RARB: variants seen among roughly 807,000 people sequenced by gnomAD.
RARB encodes the protein retinoic acid receptor beta, also known as HBV-activated protein.
Under a neutral mutation model 51.9 loss-of-function variants are expected in RARB, and 17 were observed. That is an observed-to-expected ratio of 0.33 (90% CI 0.22 to 0.49). RARB has a LOEUF of 0.49. Among genes scored for constraint, RARB ranks in the 20% least tolerant of loss-of-function variants. The pLI, the probability that RARB is intolerant of heterozygous loss-of-function variation, is 0.99. For missense variants in RARB, 369 were observed against 550.8 expected (o/e 0.67, Z 3.30); for synonymous variants, 215 against 195.4 (o/e 1.10, Z -0.84).
chr3:25,383,847 T>C (rs1044305605), intron 5 of RARB, among the ~76,000 whole-genome samples: 1 of 151,906 alleles, frequency 6.6e-6, no homozygotes, highest in Non-Finnish European at 1.5e-5. Context: ...GGAGAATTGC[T>C]TGAACCTGGA....
intron 3 of RARB, among the ~76,000 whole-genome samples, chr3:25,115,723 A>T (rs1699675294): frequency 6.8e-6 from 1 of 147,148 alleles, no homozygotes; most frequent in Non-Finnish European, 1.5e-5. Flanking sequence ...GTGCAGTGGC[A>T]CCATCATGGC....
intron 2 of RARB, among the ~76,000 whole-genome samples, chr3:24,901,541 C>A (rs562190772): frequency 6.6e-6 from 1 of 152,256 alleles, no homozygotes; most frequent in Admixed American, 6.5e-5. Context: ...GGGCGCAGTT[C>A]AGGGATTTTA....
chr3:25,554,403 C>A (rs1012024226), intron 3 of RARB, among the ~76,000 whole-genome samples: 1 of 152,046 alleles, frequency 6.6e-6, no homozygotes, highest in African/African-American at 2.4e-5. Context: ...ACCCGGCCCA[C>A]TGCTTATTTT....
intron 5 of RARB, among the ~76,000 whole-genome samples, chr3:25,176,671 G>A (rs1157007623): frequency 2.0e-5 from 3 of 151,934 alleles, no homozygotes; most frequent in Non-Finnish European, 4.4e-5. Context: ...TAGGATTATA[G>A]GCGTGAGCCA....
At chr3:25,503,910 T>G (rs1697436306) in intron 3 of RARB, among the ~76,000 whole-genome samples, 1 of 152,176 alleles carries the variant, frequency 6.6e-6, no homozygotes, top group South Asian at 2.1e-4. Context: ...ACACTAGGAC[T>G]CAGAAAGATG....
intron 1 of RARB, among the ~76,000 whole-genome samples, chr3:25,439,064 G>A (rs1237014091): frequency 6.6e-6 from 1 of 152,210 alleles, no homozygotes; most frequent in African/African-American, 2.4e-5. Context: ...ACAAGAAGAT[G>A]AGAGATGGGA....
intron 2 of RARB, among the ~76,000 whole-genome samples, chr3:25,467,311 A>G (rs1695480007): frequency 6.6e-6 from 1 of 152,280 alleles, no homozygotes. Context: ...ATTATTCATT[A>G]TAATTCTGGA....
At chr3:25,279,825 T>C (rs1323921905) in intron 5 of RARB, among the ~76,000 whole-genome samples, 1 of 152,098 alleles carries the variant, frequency 6.6e-6, no homozygotes, top group East Asian at 1.9e-4. Context: ...CAAACTTTGG[T>C]AATATTATAT....
At chr3:25,070,009 A>T (rs1341991351) in intron 3 of RARB, among the ~76,000 whole-genome samples, 1 of 152,168 alleles carries the variant, frequency 6.6e-6, no homozygotes, top group Non-Finnish European at 1.5e-5. Flanking sequence ...AGAAGTCTGG[A>T]ATCAAGGTAT....
At position 25,375,314 on chromosome 3, in the gene RARB, G is replaced by C. The variant is rs1706427205; in HGVS notation, c.179-85879G>C. On this transcript the variant is annotated intron_variant, in intron 5 of 11. Transcript: ENST00000383772. Reference sequence around the variant, plus strand: ...CACTAGGGCTGAATTACCTCATAATGATGATCTGTTTTATATCTTGAGGAC... The same window carrying C: ...CACTAGGGCTGAATTACCTCATAATCATGATCTGTTTTATATCTTGAGGAC... Among the ~76,000 whole-genome samples the C allele has an allele frequency of 2.0e-5, 3 of 152,112 alleles. No individual in the cohort carries two copies. In the East Asian group the frequency reaches 5.8e-4, roughly 29 times the overall value.
At chr3:25,090,619 C>G (rs1699179951) in intron 3 of RARB, among the ~76,000 whole-genome samples, 1 of 152,036 alleles carries the variant, frequency 6.6e-6, no homozygotes, top group Admixed American at 6.6e-5. Context: ...TTCATTAATC[C>G]TTTGGGATAC....
At chr3:25,040,616 C>A (rs1698092859) in intron 2 of RARB, among the ~76,000 whole-genome samples, 1 of 152,054 alleles carries the variant, frequency 6.6e-6, no homozygotes, top group Non-Finnish European at 1.5e-5. Flanking sequence ...GCCTATTGTC[C>A]TGCTCGGGAG....
At chr3:25,416,859 T>C (rs1707719253) in intron 5 of RARB, among the ~76,000 whole-genome samples, 1 of 152,206 alleles carries the variant, frequency 6.6e-6, no homozygotes, top group Non-Finnish European at 1.5e-5. Context: ...TTTGGCACTG[T>C]GGGTCACAAT....
intron 5 of RARB, among the ~76,000 whole-genome samples, chr3:25,399,424 G>T (rs1707206328): frequency 6.6e-6 from 1 of 152,024 alleles, no homozygotes; most frequent in Admixed American, 6.6e-5. Context: ...CACTGGATGG[G>T]GCTTCTGGGA....
At position 25,483,175 on chromosome 3, in the gene RARB, G is replaced by A. The variant is rs140980847; in HGVS notation, c.307-18007G>A. ...TGTCAAGTGCAAACAGACATGGAGC[G>A]AGAGGCAGAAATGATTCAAGAAAGC... On this transcript the variant is annotated intron_variant, in intron 2 of 7. Coordinates refer to ENST00000330688, the MANE Select transcript of RARB (RefSeq NM_000965.5). Among the ~76,000 whole-genome samples, 16 of 152,290 alleles carry A rather than the reference G, an allele frequency of 1.1e-4. No individual in the cohort carries two copies. In the East Asian group the frequency reaches 1.9e-3, roughly 18 times the overall value.
intron 3 of RARB, among the ~76,000 whole-genome samples, chr3:25,077,683 C>G (rs1268695955): frequency 6.6e-6 from 1 of 151,986 alleles, no homozygotes; most frequent in Non-Finnish European, 1.5e-5. Context: ...TTTCATTTCT[C>G]TTTGGGAAAT....
chr3:25,019,511 T>C (rs1326185498), intron 2 of RARB, among the ~76,000 whole-genome samples: 1 of 152,090 alleles, frequency 6.6e-6, no homozygotes, highest in Non-Finnish European at 1.5e-5. Context: ...GTTTATAACC[T>C]TCTAAAAATA....
chr3:24,850,445 G>A (rs1217725159), intron 1 of RARB, among the ~76,000 whole-genome samples: 3 of 152,194 alleles, frequency 2.0e-5, no homozygotes, highest in Non-Finnish European at 1.5e-5. Context: ...GGCTCAACAG[G>A]ATGGGGATGT....
intron 4 of RARB, among the ~76,000 whole-genome samples, chr3:25,136,747 A>T (rs1197480548): frequency 6.6e-6 from 1 of 152,052 alleles, no homozygotes; most frequent in African/African-American, 2.4e-5. Flanking sequence ...TTCAACACCA[A>T]AGGATGGGGG....
Sources: gnomAD v4.1 joint callset for allele counts (sites outside exome capture counted in the v4.1 genomes callset) on GRCh38, gnomAD v4.1.1 for gene constraint, MANE v1.5 for transcripts, NCBI Gene and HGNC (gene_info 2026-07-23, HGNC 2026-07-21) for gene names.